Variants in PCBP3 observed in about 807,000 individuals in gnomAD.
PCBP3 encodes the protein poly(rC) binding protein 3.
Under a neutral mutation model 52.7 loss-of-function variants are expected in PCBP3, and 25 were observed. That is an observed-to-expected ratio of 0.47 (90% CI 0.35 to 0.66). The LOEUF (loss-of-function observed/expected upper bound fraction) is 0.66. Among genes scored for constraint, PCBP3 ranks in the 30% least tolerant of loss-of-function variants. PCBP3 has a pLI of 0.01. For synonymous variants in PCBP3, 162 were observed against 183.0 expected, an observed-to-expected ratio of 0.89 and a Z score of 0.93; for missense variants, 391 against 490.3, an observed-to-expected ratio of 0.80 and a Z score of 1.91.
chr21:45,857,227 A>G (rs188296041), intron 5 of PCBP3, among the ~76,000 whole-genome samples: 10 of 152,356 alleles, frequency 6.6e-5, no homozygotes, highest in Admixed American at 5.9e-4. Context: ...ATGGCAAAGA[A>G]ACATGTTTTG....
At chr21:45,647,173 A>G (rs1227330365) in intron 1 of PCBP3, among the ~76,000 whole-genome samples, 3 of 152,196 alleles carry the variant, frequency 2.0e-5, no homozygotes, top group Non-Finnish European at 2.9e-5. Flanking sequence ...TGTTATGATC[A>G]TCTGAACTGA....
At chr21:45,709,266 T>G (rs2083667874) in intron 2 of PCBP3, among the ~76,000 whole-genome samples, 2 of 152,194 alleles carry the variant, frequency 1.3e-5, no homozygotes, top group Admixed American at 1.3e-4. Flanking sequence ...AGAAATATTT[T>G]GGGGCAAGGC....
rs762469332 is a variant in PCBP3 at position 45,741,157 on chromosome 21, C to T, written c.-162+5728C>T. Among the ~76,000 whole-genome samples the T allele has an allele frequency of 2.6e-5, 4 of 152,076 alleles. No homozygotes were observed. The highest frequency in any genetic ancestry group is 7.2e-5 in the African/African-American group (3 of 41,410). On this transcript the variant is annotated intron_variant, in intron 3 of 17. Coordinates refer to ENST00000681687, the MANE Select transcript of PCBP3 (RefSeq NM_001384156.1). The surrounding 1 kb of genome is among the most constrained non-coding windows in gnomAD (Gnocchi z 4.5). ...CCACTTGGTGGGTGAGGAAGCTGGA[C>T]GCTGGGGCCCTGGGGCGTGGCTCCA...
At chr21:45,902,232 G>A (rs150898267) in intron 9 of PCBP3, among the ~76,000 whole-genome samples, 118 of 151,904 alleles carry the variant, frequency 7.8e-4, no homozygotes, top group Non-Finnish European at 1.5e-3. Context: ...AGAGCCTGTG[G>A]CCTGGCCTCC....
At chr21:45,683,879 T>A (rs1281548765) in intron 2 of PCBP3, among the ~76,000 whole-genome samples, 1 of 151,200 alleles carries the variant, frequency 6.6e-6, no homozygotes, top group Non-Finnish European at 1.5e-5. Context: ...TGAGCCGAGA[T>A]CGTGCCACTG....
At chr21:45,922,523 C>A (rs748205678) in intron 13 of PCBP3, among the ~76,000 whole-genome samples, 1 of 152,186 alleles carries the variant, frequency 6.6e-6, no homozygotes, top group Admixed American at 6.5e-5. Context: ...CCACTGCACT[C>A]CAGCCTGGGC....
intron 10 of PCBP3, 111 bp downstream of exon 10, chr21:45,909,597 A>G (rs1318786563): frequency 1.9e-6 from 2 of 1,064,150 alleles, no homozygotes; most frequent in Non-Finnish European, 2.7e-6. Flanking sequence ...CTGCAAGCCC[A>G]ATGCTGGCCA....
At chr21:45,939,517 A>G (rs17354122) in intron 16 of PCBP3, among the ~76,000 whole-genome samples, 3 of 152,258 alleles carry the variant, frequency 2.0e-5, no homozygotes, top group African/African-American at 7.2e-5. Context: ...AGCAAAAGCT[A>G]AGTTTTAGGC....
rs533867288 is a variant in PCBP3, at chr21:45,839,650, G to C, written c.-125-10311G>C. 1.1e-4 allele frequency among the ~76,000 whole-genome samples: 17 copies of C among 152,242 alleles called. No individual in the cohort carries two copies. The East Asian group carries it at 3.1e-3, about 28-fold the overall frequency. On this transcript the variant is annotated intron_variant, in intron 4 of 17. Transcript: ENST00000681687. ...GCCATGGTGATTCTGACTGTGTATA[G>C]GCCTACGCTAATGTGTGTGTTTATG...
chr21:45,665,709 T>C (rs573509115), intron 1 of PCBP3, among the ~76,000 whole-genome samples: 5 of 152,272 alleles, frequency 3.3e-5, no homozygotes, highest in Admixed American at 6.5e-5. Flanking sequence ...GAACCGGTAC[T>C]AATCCTACTG....
chr21:45,742,627 G>A (rs1185826657), intron 3 of PCBP3, among the ~76,000 whole-genome samples: 1 of 152,172 alleles, frequency 6.6e-6, no homozygotes, highest in Non-Finnish European at 1.5e-5. Flanking sequence ...TTAATTAGGT[G>A]TATGTTCTTA....
At chr21:45,894,898 T>C (rs1379817157) in intron 5 of PCBP3, among the ~76,000 whole-genome samples, 1 of 152,272 alleles carries the variant, frequency 6.6e-6, no homozygotes, top group African/African-American at 2.4e-5. Context: ...CAAATAATAA[T>C]GTAATAAAAT....
chr21:45,715,695 A>G (rs1211121757), intron 2 of PCBP3, among the ~76,000 whole-genome samples: 1 of 152,218 alleles, frequency 6.6e-6, no homozygotes, highest in African/African-American at 2.4e-5. Flanking sequence ...GTGAAGTAGT[A>G]TATCAGTGTT....
intron 13 of PCBP3, among the ~76,000 whole-genome samples, chr21:45,922,562 G>GA (rs1460223510): frequency 2.0e-5 from 3 of 152,056 alleles, no homozygotes; most frequent in Non-Finnish European, 4.4e-5. Flanking sequence ...CTCAAAAAAA[G>GA]AAAAAATACC....
chr21:45,699,805 G>A (rs770709700), intron 2 of PCBP3, among the ~76,000 whole-genome samples: 7 of 152,100 alleles, frequency 4.6e-5, no homozygotes, highest in Non-Finnish European at 7.4e-5. Context: ...AGACCCACCC[G>A]CGTGATTCAA....
chr21:45,815,884 G>C (rs567452405), intron 4 of PCBP3, among the ~76,000 whole-genome samples: 12 of 126,272 alleles, frequency 9.5e-5, no homozygotes, highest in Non-Finnish European at 1.5e-4. Context: ...GGTGAGTGGT[G>C]AGTGAGTGAT....
chr21:45,779,177 G>A (rs979618699), intron 4 of PCBP3, among the ~76,000 whole-genome samples: 1 of 152,352 alleles, frequency 6.6e-6, no homozygotes, highest in Admixed American at 6.5e-5. Context: ...ATGGTGCCTT[G>A]CTGTAGCCAC....
intron 2 of PCBP3, among the ~76,000 whole-genome samples, chr21:45,678,230 T>C (rs978095605): frequency 1.1e-4 from 17 of 150,560 alleles, no homozygotes; most frequent in African/African-American, 3.7e-4. Flanking sequence ...GGCATGAACC[T>C]GGGAGGCGGA....
At chr21:45,893,409 G>A (rs2095732907) in intron 5 of PCBP3, among the ~76,000 whole-genome samples, 1 of 152,048 alleles carries the variant, frequency 6.6e-6, no homozygotes, top group Non-Finnish European at 1.5e-5. Context: ...CATGGGATGG[G>A]GTGGGTCAGG....
Sources: gnomAD v4.1 joint callset for allele counts (sites outside exome capture counted in the v4.1 genomes callset) on GRCh38, gnomAD v4.1.1 for gene constraint, Gnocchi (gnomAD v3.1) non-coding constraint, MANE v1.5 for transcripts, NCBI Gene and HGNC (gene_info 2026-07-23, HGNC 2026-07-21) for gene names.